The following PEX14 variants were observed in gnomAD, a reference collection of about 807,000 sequenced individuals.
The protein encoded by PEX14 is peroxisomal membrane protein PEX14.
Under a neutral mutation model 49.5 loss-of-function variants are expected in PEX14, and 15 were observed. The ratio of observed to expected loss-of-function variants is 0.30; its 90% CI spans 0.20 to 0.47. The LOEUF (loss-of-function observed/expected upper bound fraction) is 0.47. Among genes scored for constraint, PEX14 ranks in the 20% least tolerant of loss-of-function variants. The pLI, the probability that PEX14 is intolerant of heterozygous loss-of-function variation, is 1.00. For missense variants in PEX14, 398 were observed against 494.8 expected (o/e 0.80, Z 1.86); for synonymous variants, 210 against 212.7 (o/e 0.99, Z 0.11).
chr1:10,577,161 A>G lies in PEX14; in HGVS notation c.170-22077A>G, dbSNP rs188055788. ...AGTGGCTCACGCCTGTAATGCCAGCATTTTGGGAGGCAGAGGCAGGTGGAT... is the reference window on the plus strand; with the variant it reads ...AGTGGCTCACGCCTGTAATGCCAGCGTTTTGGGAGGCAGAGGCAGGTGGAT... On this transcript the variant is annotated intron_variant, in intron 3 of 8. Transcript: ENST00000356607. Among the ~76,000 whole-genome samples, 73 of 138,598 alleles carry G rather than the reference A, an allele frequency of 5.3e-4. 2 individuals are homozygous for G. In the East Asian group the frequency reaches 7.9e-3, roughly 15 times the overall value. The allele number at this position is 138,598 out of a possible 152,430, so 90.9% of individuals were successfully genotyped here.
intron 3 of PEX14, among the ~76,000 whole-genome samples, chr1:10,573,125 A>G (rs1640027031): frequency 6.6e-6 from 1 of 152,224 alleles, no homozygotes. Flanking sequence ...TTTCAGCTTT[A>G]CTATAATCTT....
chr1:10,627,397 G>C (rs773597682), intron 8 of PEX14, 34 bp downstream of exon 8: 2 of 1,468,830 alleles, frequency 1.4e-6, no homozygotes, highest in Non-Finnish European at 9.5e-7. Context: ...TGTTCTGGTC[G>C]GGCCTGGAAA....
rs1638402476 is a variant in PEX14 at position 10,524,452 on chromosome 1, G to A, written c.85-11761G>A. The A allele has an allele frequency of 3.1e-6, 3 of 960,782 alleles. No individual in the cohort carries two copies. In the Admixed American group the frequency reaches 1.8e-4, roughly 59 times the overall value. 59.5% of individuals were successfully genotyped at this position (960,782 alleles called of 1,614,324 possible). On this transcript the variant is annotated intron_variant, in intron 2 of 8. Transcript: ENST00000356607. ...AAGGAGTTACCATTGATTTAAAGGA[G>A]GAAGATGCTCAATAAACTGATTTGC...
At chr1:10,575,228 G>T (rs1640087977) in intron 3 of PEX14, among the ~76,000 whole-genome samples, 1 of 152,142 alleles carries the variant, frequency 6.6e-6, no homozygotes, top group Non-Finnish European at 1.5e-5. Context: ...CAATAATCAT[G>T]CAACTTTATG....
chr1:10,492,153 G>T (rs1311991065), intron 1 of PEX14, among the ~76,000 whole-genome samples: 1 of 152,158 alleles, frequency 6.6e-6, no homozygotes, highest in African/African-American at 2.4e-5. Flanking sequence ...GTACTAAAGG[G>T]TTTATGATGA....
At chr1:10,510,539 C>A (rs1641864062) in intron 2 of PEX14, among the ~76,000 whole-genome samples, 1 of 152,150 alleles carries the variant, frequency 6.6e-6, no homozygotes, top group Non-Finnish European at 1.5e-5. Context: ...TTATGTAAGA[C>A]TTTTAGGTGC....
intron 7 of PEX14, among the ~76,000 whole-genome samples, chr1:10,625,536 C>G (rs1641719254): frequency 6.6e-6 from 1 of 152,186 alleles, no homozygotes; most frequent in Admixed American, 6.5e-5. Flanking sequence ...CCAGGAATCT[C>G]CCCCCTGGAT....
intron 3 of PEX14, among the ~76,000 whole-genome samples, chr1:10,592,460 T>A (rs1310769212): frequency 2.0e-5 from 3 of 152,190 alleles, no homozygotes; most frequent in African/African-American, 7.2e-5. Context: ...ATAGACATCA[T>A]GGATGCTGAT....
chr1:10,475,174 C>T (rs1225319638), intron 1 of PEX14, among the ~76,000 whole-genome samples, 172 bp downstream of exon 1: 2 of 151,986 alleles, frequency 1.3e-5, no homozygotes, highest in Non-Finnish European at 2.9e-5. Context: ...CGGCCCCTCC[C>T]CCCGGTGACC....
At chr1:10,581,899 GGC>G (rs1640332720) in intron 3 of PEX14, among the ~76,000 whole-genome samples, 1 of 151,318 alleles carries the variant, frequency 6.6e-6, no homozygotes, top group African/African-American at 2.4e-5. Context: ...TATTTCTCAT[GGC>G]TATTATGAAA....
rs893229596 is a variant in PEX14, at chr1:10,569,653, T to C, written c.170-29585T>C. On this transcript the variant is annotated intron_variant, in intron 3 of 8. Transcript: ENST00000356607. ...AAGGTGTGCATGGGAGGTAAGCAGC[T>C]TTTTTAGATCCAGTATCTGAAAACA... Among the ~76,000 whole-genome samples, 4 of 152,214 alleles carry C rather than the reference T, an allele frequency of 2.6e-5. No individual in the cohort carries two copies. The South Asian group carries it at 8.3e-4, about 32-fold the overall frequency.
chr1:10,544,362 C>T (rs1639106761), intron 3 of PEX14, among the ~76,000 whole-genome samples: 1 of 152,144 alleles, frequency 6.6e-6, no homozygotes, highest in South Asian at 2.1e-4. Context: ...TCTATGTCTT[C>T]TGACCAAGAT....
Position 10,623,828 on chromosome 1 carries a change from G to C in PEX14, c.488-512G>C, listed in dbSNP as rs1570367414. Reference sequence around the variant, plus strand: ...CTGACATTGGTGGCAACAAGGTCCTGAGGGGTCACGGGACACCAGGGAGTT... The same window carrying C: ...CTGACATTGGTGGCAACAAGGTCCTCAGGGGTCACGGGACACCAGGGAGTT... On this transcript the variant is annotated intron_variant, in intron 6 of 8. Coordinates refer to ENST00000356607, the MANE Select transcript of PEX14 (RefSeq NM_004565.3). This position sits in a 1 kb window ranked among gnomAD's most constrained non-coding sequence, Gnocchi z 4.4. Among the ~76,000 whole-genome samples, 2 of 152,236 alleles carry C rather than the reference G, an allele frequency of 1.3e-5. No homozygotes were observed. Among genetic ancestry groups the C allele is most frequent in the African/African-American group, 4.8e-5 (2 of 41,464 alleles).
At position 10,536,197 on chromosome 1, in the gene PEX14, T is replaced by TTC; in HGVS notation, c.85-7_85-6dup. 6.4e-7 allele frequency: 1 copy of TTC among 1,551,740 alleles called. No individual in the cohort carries two copies. Among genetic ancestry groups the TTC allele is most frequent in the Non-Finnish European group, 8.9e-7 (1 of 1,123,052 alleles). On this transcript the variant is annotated splice_polypyrimidine_tract_variant and intron_variant, in intron 2 of 8. Transcript: ENST00000356607. ...TTGAAGTGAAGTTTACTCCTCTATT[T>TTC]TCTCTCTCTCACCAGATTGCCACGG...
rs750858299 is a variant in PEX14 at position 10,629,723 on chromosome 1, C to T, written c.870C>T (p.Tyr290=). The T allele has an allele frequency of 1.2e-6, 2 of 1,604,240 alleles. No homozygotes were observed. The highest frequency in any genetic ancestry group is 2.2e-5 in the South Asian group (2 of 89,816). ...GHSPEGSTVT[Y]HLLGPQEEGE... ...GCCCCGAGGGCTCCACGGTCACCTA[C>T]CACTTGCTGGGCCCCCAGGAGGAAG... is the stretch of plus-strand genomic sequence containing the variant. Residue 290 remains tyrosine (Y), a synonymous_variant, in exon 9 of 9, where the codon TAC becomes TAT. Coordinates refer to ENST00000356607, the MANE Select transcript of PEX14 (RefSeq NM_004565.3). This position sits in a 1 kb window ranked among gnomAD's most constrained non-coding sequence, Gnocchi z 8.5.
intron 3 of PEX14, among the ~76,000 whole-genome samples, chr1:10,563,023 T>C (rs1227408547): frequency 6.6e-6 from 1 of 150,882 alleles, no homozygotes; most frequent in Non-Finnish European, 1.5e-5. Flanking sequence ...GCAATTCTCC[T>C]GCCTCAGCCT....
chr1:10,600,541 A>AC (rs1461031228), intron 4 of PEX14, among the ~76,000 whole-genome samples: 3 of 151,744 alleles, frequency 2.0e-5, no homozygotes, highest in African/African-American at 7.3e-5. Context: ...ACGTGGTGAA[A>AC]CCGTGTCTCT....
intron 2 of PEX14, chr1:10,524,478 T>G: frequency 1.1e-6 from 1 of 898,216 alleles, no homozygotes; most frequent in Non-Finnish European, 1.3e-6. Context: ...ACTGATTTGC[T>G]TAATGGTGAG....
chr1:10,536,283 T>G lies in PEX14; in HGVS notation c.155T>G (p.Phe52Cys). 1 of 1,605,230 alleles carries G rather than the reference T, an allele frequency of 6.2e-7. No homozygotes were observed. The highest frequency in any genetic ancestry group is 8.5e-7 in the Non-Finnish European group (1 of 1,171,936). The change falls in exon 3 of 9, where the codon TTC becomes TGC. Residue 52 changes from phenylalanine (F) to cysteine (C), a missense_variant. Physicochemically the swap from Phe to Cys is radical, Grantham distance 205 (BLOSUM62 -2). Transcript: ENST00000356607. Reference sequence around the variant, plus strand: ...AGCCCACTTGCAACCAGGAGAGCATTCCTAAAGAAGAAAGGTACAGGTTCC... The same window carrying G: ...AGCCCACTTGCAACCAGGAGAGCATGCCTAAAGAAGAAAGGTACAGGTTCC... ...RQSPLATRRA[F>C]LKKKGLTDEE...
Sources: allele counts gnomAD v4.1 joint callset (sites outside exome capture counted in the v4.1 genomes callset), GRCh38; gene constraint gnomAD v4.1.1; non-coding constraint Gnocchi (gnomAD v3.1); transcripts MANE v1.5; gene names NCBI Gene and HGNC (gene_info 2026-07-23, HGNC 2026-07-21).